The following CCDC172 variants were observed in gnomAD, a reference collection of about 807,000 sequenced individuals.
CCDC172 encodes the protein coiled-coil domain containing 172.
A neutral mutation model predicts 38.0 loss-of-function variants in CCDC172; 30 were observed. The ratio of observed to expected loss-of-function variants is 0.79; its 90% CI spans 0.59 to 1.07. The LOEUF (loss-of-function observed/expected upper bound fraction) is 1.07, where lower values mean the gene tolerates loss of function less well. Ranked by LOEUF, CCDC172 falls within the 50% of genes least tolerant of loss-of-function variation. The pLI is 0.00. For missense variants in CCDC172, 297 were observed against 290.1 expected, an observed-to-expected ratio of 1.02 and a Z score of -0.17; for synonymous variants, 78 against 88.3, an observed-to-expected ratio of 0.88 and a Z score of 0.66.
intron 5 of CCDC172, among the ~76,000 whole-genome samples, chr10:116,349,890 T>C (rs940441959): frequency 1.3e-5 from 2 of 152,086 alleles, no homozygotes; most frequent in Non-Finnish European, 2.9e-5. Flanking sequence ...CAGTTTTACA[T>C]AGATGTCCAG....
chr10:116,370,040 T>C (rs2134966774), intron 7 of CCDC172, among the ~76,000 whole-genome samples: 1 of 152,072 alleles, frequency 6.6e-6, no homozygotes, highest in Middle Eastern at 3.4e-3. Flanking sequence ...CATTTTTCTA[T>C]CAGGCTTTTG....
rs1845014904 is a variant in CCDC172 at position 116,357,591 on chromosome 10, T to A, written c.550+110T>A. 1.4e-5 allele frequency: 13 copies of A among 959,834 alleles called. 1 individual carries two copies. In the South Asian group the frequency reaches 2.7e-4, roughly 20 times the overall value. The allele number at this position is 959,834 out of a possible 1,614,324, so 59.5% of individuals were successfully genotyped here. A position where few individuals can be genotyped will look rare whatever the true frequency, so the allele number is the denominator to read the frequency against. On this transcript the variant is annotated intron_variant, in intron 6 of 8. Transcript: ENST00000333254. ...TTAACCTGTTGTGATATAGTGCTAT[T>A]ATTGGTATAAAAAAGAAATAGATAA...
intron 8 of CCDC172, among the ~76,000 whole-genome samples, chr10:116,378,990 G>A (rs1845281110): frequency 6.6e-6 from 1 of 152,086 alleles, no homozygotes; most frequent in Admixed American, 6.6e-5. Flanking sequence ...TTGTGTAGGA[G>A]CACTTTAAAT....
intron 5 of CCDC172, among the ~76,000 whole-genome samples, chr10:116,345,741 C>T (rs957817267): frequency 9.2e-5 from 14 of 152,188 alleles, no homozygotes; most frequent in African/African-American, 2.9e-4. Flanking sequence ...CAAATTAAAA[C>T]GGCAGTGATA....
At chr10:116,343,645 A>G (rs530558132) in intron 5 of CCDC172, among the ~76,000 whole-genome samples, 6 of 151,994 alleles carry the variant, frequency 3.9e-5, no homozygotes, top group African/African-American at 1.4e-4. Flanking sequence ...ATTTCAGTCC[A>G]AGCTCACTGT....
intron 7 of CCDC172, among the ~76,000 whole-genome samples, chr10:116,368,010 C>T (rs1022147190): frequency 2.0e-5 from 3 of 151,924 alleles, no homozygotes; most frequent in Admixed American, 6.6e-5. Context: ...TTATTTGTTC[C>T]TTTGAGATTA....
At position 116,324,947 on chromosome 10, in the gene CCDC172, G is replaced by T; in HGVS notation, c.-65G>T. 1.6e-6 allele frequency: 2 copies of T among 1,290,148 alleles called. No homozygotes were observed. Among genetic ancestry groups the T allele is most frequent in the Non-Finnish European group, 2.3e-6 (2 of 888,778 alleles). The allele number at this position is 1,290,148 out of a possible 1,614,324, so 79.9% of individuals were successfully genotyped here. On this transcript the variant is annotated splice_region_variant and 5_prime_UTR_variant, in exon 2 of 9. Coordinates refer to ENST00000333254, the MANE Select transcript of CCDC172 (RefSeq NM_198515.3). The stretch of plus-strand genomic sequence containing the variant: ...CCATCTTCTTTATTCTGCTTTCCAG[G>T]ATCCTCAGAGTTGGTTATAAAATAT...
chr10:116,356,989 G>A (rs549233517), intron 5 of CCDC172, among the ~76,000 whole-genome samples: 1 of 152,086 alleles, frequency 6.6e-6, no homozygotes, highest in Admixed American at 6.5e-5. Flanking sequence ...AAAATTAACC[G>A]TATGCTGCTT....
At chr10:116,374,490 G>GTATA (rs60781436) in intron 7 of CCDC172, among the ~76,000 whole-genome samples, 17,351 of 150,152 alleles carry the variant, frequency 0.12, 1,511 homozygotes, top group African/African-American at 0.24. Context: ...TTTATCATAG[G>GTATA]TATATATATA....
At chr10:116,361,230 C>T (rs371199191) in intron 7 of CCDC172, among the ~76,000 whole-genome samples, 16 of 151,990 alleles carry the variant, frequency 1.1e-4, no homozygotes, top group African/African-American at 3.9e-4. Flanking sequence ...AGTGATACAC[C>T]TGCCTCAGTC....
intron 8 of CCDC172, among the ~76,000 whole-genome samples, chr10:116,378,792 C>T (rs1845279048): frequency 1.3e-5 from 2 of 152,016 alleles, no homozygotes; most frequent in Non-Finnish European, 2.9e-5. Context: ...ATAACATTTC[C>T]TTGACTGAAA....
At chr10:116,344,877 A>C (rs557442028) in intron 5 of CCDC172, among the ~76,000 whole-genome samples, 149 of 151,638 alleles carry the variant, frequency 9.8e-4, no homozygotes, top group African/African-American at 3.3e-3. Flanking sequence ...AAAAAAAAAA[A>C]AAAACCTAAA....
At position 116,379,589 on chromosome 10, in the gene CCDC172, G is replaced by A. The variant is rs1232830332; in HGVS notation, c.*231G>A. ...CTGTGGTTTGATTTTGTTTCTAAAA[G>A]AAGGAAAAGGAGAAGAAGTAGATAC... On this transcript the variant is annotated 3_prime_UTR_variant, in exon 9 of 9. Coordinates refer to ENST00000333254, the MANE Select transcript of CCDC172 (RefSeq NM_198515.3). The A allele has an allele frequency of 2.8e-6, 1 of 360,238 alleles. No homozygotes were observed. The highest frequency in any genetic ancestry group is 2.1e-5 in the African/African-American group (1 of 47,202). 22.3% of individuals were successfully genotyped at this position (360,238 alleles called of 1,614,324 possible). A position where few individuals can be genotyped will look rare whatever the true frequency, so the allele number is the denominator to read the frequency against.
At chr10:116,357,277 C>T in intron 5 of CCDC172, 103 bp from the exon 6 acceptor site, 1 of 671,604 alleles carries the variant, frequency 1.5e-6, no homozygotes, top group South Asian at 2.0e-5. Flanking sequence ...TCTTCACTTT[C>T]TTTCATCTGT....
chr10:116,373,236 C>T (rs1336475182), intron 7 of CCDC172, among the ~76,000 whole-genome samples: 1 of 151,632 alleles, frequency 6.6e-6, no homozygotes, highest in Non-Finnish European at 1.5e-5. Flanking sequence ...AGAGAGACCC[C>T]ATCTCTAATT....
rs556006815 is a variant in CCDC172, at chr10:116,366,706, G to T, written c.653+8768G>T. The stretch of plus-strand genomic sequence containing the variant: ...GCCTGTTGGAATTGCTGAGTGTGGG[G>T]CATGCGAATGTTGAACTTCACAAGA... On this transcript the variant is annotated intron_variant, in intron 7 of 8. Transcript: ENST00000333254. 1.3e-4 allele frequency among the ~76,000 whole-genome samples: 20 copies of T among 152,298 alleles called. No homozygotes were observed. In the South Asian group the frequency reaches 3.7e-3, roughly 28 times the overall value.
At chr10:116,371,001 CTT>C (rs1845180532) in intron 7 of CCDC172, among the ~76,000 whole-genome samples, 1 of 151,502 alleles carries the variant, frequency 6.6e-6, no homozygotes, top group African/African-American at 2.4e-5. Flanking sequence ...ATTAAAATAA[CTT>C]TATTTTGTCT....
At chr10:116,325,190 G>A in intron 2 of CCDC172, 100 bp downstream of exon 2, 3 of 1,477,388 alleles carry the variant, frequency 2.0e-6, no homozygotes, top group Non-Finnish European at 2.8e-6. Context: ...AGCCGTTAGG[G>A]GAGCTTGCAT....
chr10:116,366,423 A>T (rs1030405066), intron 7 of CCDC172, among the ~76,000 whole-genome samples: 13 of 152,182 alleles, frequency 8.5e-5, no homozygotes, highest in African/African-American at 3.1e-4. Flanking sequence ...GCATGCATTT[A>T]TCATCTAACC....
Sources: allele counts gnomAD v4.1 joint callset (sites outside exome capture counted in the v4.1 genomes callset), GRCh38; gene constraint gnomAD v4.1.1; transcripts MANE v1.5; gene names NCBI Gene and HGNC (gene_info 2026-07-23, HGNC 2026-07-21).